The following PALS1 variants were observed in gnomAD, a reference collection of about 807,000 sequenced individuals.
PALS1 encodes protein PALS1.
Under a neutral mutation model 78.9 loss-of-function variants are expected in PALS1, and 31 were observed. The observed-to-expected ratio is 0.39, with a 90% CI of 0.30 to 0.53. PALS1 has a LOEUF of 0.53. Ranked by LOEUF, PALS1 falls within the 20% of genes least tolerant of loss-of-function variation. PALS1 has a pLI of 0.67. For synonymous variants in PALS1, 276 were observed against 270.9 expected (o/e 1.02, Z -0.18); for missense variants, 704 against 826.5 (o/e 0.85, Z 1.82).
At chr14:67,318,782 G>T (rs1215518684) in intron 11 of PALS1, among the ~76,000 whole-genome samples, 1 of 152,174 alleles carries the variant, frequency 6.6e-6, no homozygotes, top group Non-Finnish European at 1.5e-5. Context: ...ATTAGGCCGG[G>T]CGCGGTGGGT....
In PALS1 at chr14:67,279,141, A is replaced by G; in HGVS notation, c.-30A>G. 5 of 1,508,838 alleles carry G rather than the reference A, an allele frequency of 3.3e-6. No individual in the cohort carries two copies. Among genetic ancestry groups the G allele is most frequent in the Non-Finnish European group, 4.4e-6 (5 of 1,132,064 alleles). 93.5% of individuals were successfully genotyped at this position (1,508,838 alleles called of 1,614,324 possible). A position where few individuals can be genotyped will look rare whatever the true frequency, so the allele number is the denominator to read the frequency against. ...TGGCTTATAGGAAAAATTGATTTAT[A>G]AAAAGTGGTACAGGTTTTCATAGAT... On this transcript the variant is annotated 5_prime_UTR_variant, in exon 3 of 15. It adds an upstream start codon to the 5' untranslated region. Coordinates refer to ENST00000261681, the MANE Select transcript of PALS1 (RefSeq NM_022474.4).
intron 9 of PALS1, among the ~76,000 whole-genome samples, chr14:67,314,633 G>A (rs1010947558): frequency 1.4e-4 from 21 of 152,180 alleles, no homozygotes; most frequent in Admixed American, 4.6e-4. Flanking sequence ...CTACCATGCC[G>A]AACTTTAGCC....
chr14:67,248,496 A>G (rs2084018931), intron 1 of PALS1, among the ~76,000 whole-genome samples: 1 of 152,228 alleles, frequency 6.6e-6, no homozygotes, highest in African/African-American at 2.4e-5. Flanking sequence ...ATGATATAAC[A>G]TTATAAAAAT....
In PALS1 at chr14:67,321,114, C is replaced by T. The variant is rs773841147; in HGVS notation, c.1595C>T (p.Ser532Leu). ...GCCGGTAGAGATTACCACTTTGTTT[C>T]GCGGCAAGCATTCGAGGCAGACATA... ...EVAGRDYHFV[S>L]RQAFEADIAA... is the part of the protein sequence containing the mutation. The change falls in exon 13 of 15, where the codon TCG (serine) becomes TTG (leucine). Residue 532 changes from serine (S) to leucine (L), a missense_variant. Coordinates refer to ENST00000261681, the MANE Select transcript of PALS1 (RefSeq NM_022474.4). 5.1e-5 allele frequency: 83 copies of T among 1,613,976 alleles called. No individual in the cohort carries two copies. The highest frequency in any genetic ancestry group is 9.3e-5 in the African/African-American group (7 of 74,904).
At position 67,320,699 on chromosome 14, in the gene PALS1, C is replaced by T. The variant is rs532701374; in HGVS notation, c.1537+302C>T. On this transcript the variant is annotated intron_variant, in intron 12 of 14. Transcript: ENST00000261681. ...TTTAAAGTGATACAGAAGATAGAAA[C>T]TTAGGCATAATCTGAAACAGAAGTT... is the stretch of plus-strand genomic sequence containing the variant. Among the ~76,000 whole-genome samples, 14 of 147,286 alleles carry T rather than the reference C, an allele frequency of 9.5e-5. No homozygotes were observed. In the South Asian group the frequency reaches 3.1e-3, roughly 33 times the overall value.
intron 3 of PALS1, among the ~76,000 whole-genome samples, chr14:67,287,331 G>A (rs913329327): frequency 6.6e-6 from 1 of 151,590 alleles, no homozygotes; most frequent in East Asian, 1.9e-4. Context: ...AAATATATTG[G>A]ATTAAAAGCC....
At chr14:67,277,127 A>T (rs561788788) in intron 2 of PALS1, among the ~76,000 whole-genome samples, 1 of 152,342 alleles carries the variant, frequency 6.6e-6, no homozygotes, top group East Asian at 1.9e-4. Flanking sequence ...AAAAAGCTGA[A>T]TTTGCATTTG....
At chr14:67,321,817 GTA>G (rs1233341924) in intron 13 of PALS1, among the ~76,000 whole-genome samples, 1 of 152,068 alleles carries the variant, frequency 6.6e-6, no homozygotes, top group African/African-American at 2.4e-5. Context: ...ATATATGCTT[GTA>G]TGTATGTTCT....
chr14:67,303,659 C>A, intron 8 of PALS1, 60 bp downstream of exon 8: 1 of 1,155,576 alleles, frequency 8.7e-7, no homozygotes, highest in East Asian at 2.3e-5. Context: ...ACTTCTGTTA[C>A]TGTTTACTGT....
intron 3 of PALS1, among the ~76,000 whole-genome samples, chr14:67,280,798 T>TCCTC (rs1200729732): frequency 4.6e-5 from 4 of 86,336 alleles, no homozygotes. Context: ...GCAGTTTCCT[T>TCCTC]CCTTCCTTCC....
chr14:67,308,546 C>CT (rs375911648), intron 8 of PALS1, among the ~76,000 whole-genome samples: 27,318 of 131,744 alleles, frequency 0.21, 5,522 homozygotes, highest in African/African-American at 0.49. Flanking sequence ...TTTTCTTTTT[C>CT]TTTTTTTTTT....
intron 2 of PALS1, chr14:67,270,943 A>G (rs750372228): frequency 6.6e-6 from 1 of 152,226 alleles, no homozygotes; most frequent in Non-Finnish European, 1.5e-5. Context: ...GTAGTTCATC[A>G]GTCATTTGGG....
intron 1 of PALS1, among the ~76,000 whole-genome samples, chr14:67,244,444 G>C (rs780482383): frequency 2.0e-5 from 3 of 152,176 alleles, no homozygotes; most frequent in Non-Finnish European, 4.4e-5. Context: ...TGCTAATCTG[G>C]TGGATGAGAA....
intron 8 of PALS1, among the ~76,000 whole-genome samples, chr14:67,308,602 A>G (rs1451364226): frequency 1.3e-5 from 2 of 149,254 alleles, no homozygotes; most frequent in Non-Finnish European, 3.0e-5. Flanking sequence ...CTGGAGTGCA[A>G]TGGTGCCATC....
chr14:67,257,230 A>G (rs2084159059), intron 1 of PALS1, among the ~76,000 whole-genome samples: 1 of 152,186 alleles, frequency 6.6e-6, no homozygotes, highest in African/African-American at 2.4e-5. Context: ...GCATTTTTAC[A>G]TAAACCATAG....
At chr14:67,270,636 G>A (rs1778308160) in intron 2 of PALS1, 1 of 151,426 alleles carries the variant, frequency 6.6e-6, no homozygotes, top group Non-Finnish European at 1.5e-5. Flanking sequence ...CTTTGGACTG[G>A]GAGGACTTTT....
chr14:67,287,583 C>T (rs1040704242), intron 3 of PALS1, among the ~76,000 whole-genome samples: 1 of 152,154 alleles, frequency 6.6e-6, no homozygotes, highest in African/African-American at 2.4e-5. Flanking sequence ...TGAGAACAGA[C>T]ATTCATGTGC....
intron 4 of PALS1, among the ~76,000 whole-genome samples, chr14:67,293,559 G>C (rs2084803852): frequency 6.6e-6 from 1 of 152,048 alleles, no homozygotes; most frequent in African/African-American, 2.4e-5. Context: ...TTTCTCACTT[G>C]TCATATTTAC....
intron 3 of PALS1, among the ~76,000 whole-genome samples, chr14:67,283,599 A>AT (rs931258431): frequency 9.2e-5 from 14 of 151,636 alleles, no homozygotes; most frequent in African/African-American, 2.4e-4. Flanking sequence ...CCTTCAGGGA[A>AT]TTTTTTTTTA....
Sources: allele counts gnomAD v4.1 joint callset (sites outside exome capture counted in the v4.1 genomes callset), GRCh38; gene constraint gnomAD v4.1.1; transcripts MANE v1.5; gene names NCBI Gene and HGNC (gene_info 2026-07-23, HGNC 2026-07-21).